The following SIPA1L2 variants were observed in gnomAD, a reference collection of about 807,000 sequenced individuals.
The protein encoded by SIPA1L2 is signal induced proliferation associated 1 like 2.
Under a neutral mutation model 163.9 loss-of-function variants are expected in SIPA1L2, and 56 were observed. That is an observed-to-expected ratio of 0.34 (90% CI 0.28 to 0.43). SIPA1L2 has a LOEUF of 0.43. Among genes scored for constraint, SIPA1L2 ranks in the 20% least tolerant of loss-of-function variants. The pLI is 1.00. For synonymous variants in SIPA1L2, 877 were observed against 865.7 expected, an observed-to-expected ratio of 1.01 and a Z score of -0.23; for missense variants, 1,974 against 2,193.5, an observed-to-expected ratio of 0.90 and a Z score of 2.00.
intron 1 of SIPA1L2, among the ~76,000 whole-genome samples, chr1:232,623,776 G>A (rs1304468923): frequency 6.6e-5 from 10 of 152,078 alleles, no homozygotes; most frequent in Non-Finnish European, 1.5e-4. Flanking sequence ...AAATGTCTTC[G>A]GGAAAAAGAA....
rs1340521532 is a variant in SIPA1L2 at position 232,572,773 on chromosome 1, ATATATATT to A, written c.-270+1393_-270+1400del. On this transcript the variant is annotated intron_variant, in intron 2 of 22. Transcript: ENST00000674635. ...TATATATATATATATATATATATAT[ATATATATT>A]TATTTATTTATTTTTTCCTTGAGAC... Among the ~76,000 whole-genome samples the A allele has an allele frequency of 9.8e-3, 1,100 of 112,106 alleles. 5 individuals carry two copies. Among genetic ancestry groups the A allele is most frequent in the Admixed American group, 0.014 (119 of 8,552 alleles). The allele number at this position is 112,106 out of a possible 152,430, so 73.5% of individuals were successfully genotyped here.
chr1:232,504,825 TGA>T (rs1666648048), intron 3 of SIPA1L2, among the ~76,000 whole-genome samples: 1 of 152,130 alleles, frequency 6.6e-6, no homozygotes, highest in African/African-American at 2.4e-5. Context: ...CAAACAACAC[TGA>T]GGCAGAAAGG....
intron 19 of SIPA1L2, among the ~76,000 whole-genome samples, chr1:232,410,921 G>A (rs1175659872): frequency 2.6e-5 from 4 of 152,290 alleles, no homozygotes; most frequent in African/African-American, 9.6e-5. Flanking sequence ...AGTATTTTGT[G>A]CAGAAGGAAC....
In SIPA1L2 at chr1:232,515,353, G is replaced by C. The variant is rs1436409768; in HGVS notation, c.-14C>G. ...TGGGTCACTCATGTCTACCGAGGAA[G>C]AGCCTCCAAGTCTCACCAGGAAGAC... On this transcript the variant is annotated 5_prime_UTR_variant, in exon 3 of 23. Coordinates refer to ENST00000674635, the MANE Select transcript of SIPA1L2 (RefSeq NM_020808.5). The C allele has an allele frequency of 6.4e-7, 1 of 1,561,696 alleles. No homozygotes were observed. The highest frequency in any genetic ancestry group is 1.2e-5 in the South Asian group (1 of 82,006).
At chr1:232,479,820 A>C in intron 6 of SIPA1L2, 90 bp from the exon 7 acceptor site, 1 of 1,116,072 alleles carries the variant, frequency 9.0e-7, no homozygotes, top group Non-Finnish European at 1.3e-6. Flanking sequence ...AAAAACAAAA[A>C]ACAAAAAACA....
chr1:232,506,073 G>A (rs894063362), intron 3 of SIPA1L2, among the ~76,000 whole-genome samples: 5 of 152,248 alleles, frequency 3.3e-5, no homozygotes, highest in African/African-American at 1.2e-4. Flanking sequence ...TTAAGTGAGT[G>A]TGTTTGGAAT....
At chr1:232,548,367 C>T (rs554341620) in intron 2 of SIPA1L2, among the ~76,000 whole-genome samples, 1 of 152,272 alleles carries the variant, frequency 6.6e-6, no homozygotes, top group African/African-American at 2.4e-5. Flanking sequence ...CAACCTCATT[C>T]GCCACCTCCA....
chr1:232,476,450 G>A (rs7524341), intron 7 of SIPA1L2, among the ~76,000 whole-genome samples: 38,146 of 151,932 alleles, frequency 0.25, 4,911 homozygotes, highest in Admixed American at 0.34. Flanking sequence ...TTTGAAGAAA[G>A]AATTTCGTTG....
At chr1:232,524,900 A>G (rs1323293214) in intron 2 of SIPA1L2, among the ~76,000 whole-genome samples, 1 of 152,176 alleles carries the variant, frequency 6.6e-6, no homozygotes, top group East Asian at 1.9e-4. Flanking sequence ...AATGTGTCCA[A>G]ATTATGTAAC....
At chr1:232,416,732 C>A (rs1372779768) in intron 18 of SIPA1L2, among the ~76,000 whole-genome samples, 1 of 152,200 alleles carries the variant, frequency 6.6e-6, no homozygotes, top group Non-Finnish European at 1.5e-5. Context: ...AAAGCACACA[C>A]ATAGTGGTTG....
intron 2 of SIPA1L2, among the ~76,000 whole-genome samples, chr1:232,563,958 TGTGTG>T (rs1659201996): frequency 6.0e-5 from 3 of 49,792 alleles, no homozygotes; most frequent in African/African-American, 3.0e-4. Flanking sequence ...TTTTTTTTCG[TGTGTG>T]TGTGTGTGTG....
chr1:232,493,453 A>T, intron 4 of SIPA1L2, 74 bp downstream of exon 4: 1 of 1,572,760 alleles, frequency 6.4e-7, no homozygotes, highest in Non-Finnish European at 8.7e-7. Context: ...TACCCTATCT[A>T]AAACAAACTG....
At chr1:232,582,560 A>G (rs561363028) in intron 1 of SIPA1L2, among the ~76,000 whole-genome samples, 15 of 152,256 alleles carry the variant, frequency 9.9e-5, no homozygotes, top group African/African-American at 3.6e-4. Context: ...TCCACCACTG[A>G]TGGGCACCTA....
At chr1:232,508,743 AG>A (rs1388879512) in intron 3 of SIPA1L2, among the ~76,000 whole-genome samples, 1 of 152,218 alleles carries the variant, frequency 6.6e-6, no homozygotes, top group African/African-American at 2.4e-5. Context: ...CGCCCGTGAA[AG>A]GAAGGGACTT....
At chr1:232,505,177 AGG>A (rs1666670716) in intron 3 of SIPA1L2, among the ~76,000 whole-genome samples, 4 of 152,222 alleles carry the variant, frequency 2.6e-5, no homozygotes, top group Admixed American at 2.0e-4. Context: ...AGAAAACACT[AGG>A]AAAGTATGAA....
At position 232,597,551 on chromosome 1, in the gene SIPA1L2, G is replaced by A. The variant is rs187723003; in HGVS notation, c.-318-23329C>T. Among the ~76,000 whole-genome samples, 184 of 151,324 alleles carry A rather than the reference G, an allele frequency of 1.2e-3. 1 individual carries two copies. Among genetic ancestry groups the A allele is most frequent in the African/African-American group, 4.2e-3 (175 of 41,234 alleles). Reference sequence around the variant, plus strand: ...AAAAAAAAAAAAAAATTAGCCGGGCGTGATGGCGGGCGTCTGTAGTCCCAG... The same window carrying A: ...AAAAAAAAAAAAAAATTAGCCGGGCATGATGGCGGGCGTCTGTAGTCCCAG... On this transcript the variant is annotated intron_variant, in intron 1 of 22. Transcript: ENST00000674635.
chr1:232,490,648 T>C, intron 5 of SIPA1L2: 1 of 463,602 alleles, frequency 2.2e-6, no homozygotes, highest in Non-Finnish European at 3.8e-6. Flanking sequence ...CACCAAAACC[T>C]TGGTAATAAC....
intron 1 of SIPA1L2, among the ~76,000 whole-genome samples, chr1:232,613,058 A>G (rs144359364): frequency 1.3e-5 from 2 of 152,098 alleles, no homozygotes; most frequent in Non-Finnish European, 2.9e-5. Context: ...CCGCTTTTAC[A>G]TCTTCCTCAT....
intron 19 of SIPA1L2, 80 bp downstream of exon 19, chr1:232,415,414 C>T: frequency 3.4e-6 from 5 of 1,471,682 alleles, no homozygotes; most frequent in Non-Finnish European, 4.5e-6. Flanking sequence ...GACAGACGGG[C>T]TCCCCTAAGA....
Sources: gnomAD v4.1 joint callset for allele counts (sites outside exome capture counted in the v4.1 genomes callset) on GRCh38, gnomAD v4.1.1 for gene constraint, MANE v1.5 for transcripts, NCBI Gene and HGNC (gene_info 2026-07-23, HGNC 2026-07-21) for gene names.